Variants in SDHAF4 observed in about 807,000 individuals in gnomAD.
SDHAF4 encodes the protein succinate dehydrogenase assembly factor 4, mitochondrial.
In SDHAF4, 14 loss-of-function variants were observed where a neutral mutation model predicts 14.3. That is an observed-to-expected ratio of 0.98 (90% confidence interval 0.65 to 1.53). The LOEUF is 1.53. SDHAF4 is among the 40% of genes most tolerant of loss of function. The pLI, the probability that SDHAF4 is intolerant of heterozygous loss-of-function variation, is 0.00. For synonymous variants in SDHAF4, 63 were observed against 47.3 expected, an observed-to-expected ratio of 1.33 and a Z score of -1.36; for missense variants, 141 against 129.3, an observed-to-expected ratio of 1.09 and a Z score of -0.44.
At chr6:70,568,962 CTTTTTTTTTTTT>C (rs5877254) in intron 1 of SDHAF4, among the ~76,000 whole-genome samples, 1 of 97,988 alleles carries the variant, frequency 1.0e-5, no homozygotes, top group Admixed American at 1.4e-4. Flanking sequence ...TTTCTTTTTT[CTTTTTTTTTTTT>C]TTTTTTTTTG....
At chr6:70,568,237 A>G (rs1005129210) in intron 1 of SDHAF4, among the ~76,000 whole-genome samples, 13 of 152,172 alleles carry the variant, frequency 8.5e-5, no homozygotes, top group African/African-American at 2.9e-4. Context: ...TTCATTCAAC[A>G]TCCCCCTTTA....
intron 1 of SDHAF4, among the ~76,000 whole-genome samples, chr6:70,573,143 C>T (rs1347980392): frequency 1.3e-5 from 2 of 151,994 alleles, no homozygotes; most frequent in Non-Finnish European, 2.9e-5. Context: ...TGCAGTCATG[C>T]CCAGCTAATC....
chr6:70,581,216 C>T (rs1802317118), intron 2 of SDHAF4, among the ~76,000 whole-genome samples: 1 of 152,006 alleles, frequency 6.6e-6, no homozygotes, highest in African/African-American at 2.4e-5. Context: ...AGGCGTGAGC[C>T]ACTGTGTCTG....
Position 70,579,458 on chromosome 6 carries a change from CAAG to C in SDHAF4, c.110_112del (p.Gln37_Gly38delinsArg), listed in dbSNP as rs772185357. On this transcript the variant is annotated inframe_deletion, in exon 2 of 3. Transcript: ENST00000370474. ...TTCTCTGAGGAAAACAAGTTCTTCT[CAAG>C]GAGGAAAGTCTGAACTTGTCAAACA... 1 of 1,608,620 alleles carries C rather than the reference CAAG, an allele frequency of 6.2e-7. No individual in the cohort carries two copies. Among genetic ancestry groups the C allele is most frequent in the Non-Finnish European group, 8.5e-7 (1 of 1,177,104 alleles).
chr6:70,585,913 C>T (rs777593726), intron 2 of SDHAF4, among the ~76,000 whole-genome samples: 37 of 152,052 alleles, frequency 2.4e-4, no homozygotes, highest in African/African-American at 7.2e-4. Flanking sequence ...GCAGTTTCCC[C>T]GTGCTATGCA....
chr6:70,589,290 T>G lies in SDHAF4; in HGVS notation c.*566T>G, dbSNP rs1581933728. On this transcript the variant is annotated 3_prime_UTR_variant, in exon 3 of 3. Coordinates refer to ENST00000370474, the MANE Select transcript of SDHAF4 (RefSeq NM_145267.3). Reference sequence around the variant, plus strand: ...AAGCAATTCTCCTGCCTCAGCCTCCTGAGTAGCTGGGATTACAGACACCCA... The same window carrying G: ...AAGCAATTCTCCTGCCTCAGCCTCCGGAGTAGCTGGGATTACAGACACCCA... The G allele has an allele frequency of 6.6e-6, 1 of 151,902 alleles. No individual in the cohort carries two copies. Among genetic ancestry groups the G allele is most frequent in the African/African-American group, 2.4e-5 (1 of 41,348 alleles). The allele number at this position is 151,902 out of a possible 1,614,324, so 9.4% of individuals were successfully genotyped here.
At chr6:70,579,956 A>T (rs1194544989) in intron 2 of SDHAF4, among the ~76,000 whole-genome samples, 1 of 152,158 alleles carries the variant, frequency 6.6e-6, no homozygotes, top group Non-Finnish European at 1.5e-5. Context: ...TGTAATGTAC[A>T]CATATTATAT....
At chr6:70,579,671 G>A (rs1482962157) in intron 2 of SDHAF4, 105 bp downstream of exon 2, 1 of 904,782 alleles carries the variant, frequency 1.1e-6, no homozygotes, top group Non-Finnish European at 1.6e-6. Context: ...CTTAAATTCT[G>A]TAGTAATAAA....
chr6:70,573,012 G>T (rs1442592124), intron 1 of SDHAF4, among the ~76,000 whole-genome samples: 1 of 151,926 alleles, frequency 6.6e-6, no homozygotes, highest in Non-Finnish European at 1.5e-5. Context: ...GTCTTGTCCT[G>T]TCACCAGGAT....
rs202098262 is a variant in SDHAF4, at chr6:70,573,264, C to CTTTTTTTTTTTTTTTTTTTTTTTTTTTTT, written c.65-6133_65-6132insTTTTTTTTTTTTTTTTTTTTTTTTTTTTT. On this transcript the variant is annotated intron_variant, in intron 1 of 2. Coordinates refer to ENST00000370474, the MANE Select transcript of SDHAF4 (RefSeq NM_145267.3). ...AATTGTATTTATTCTGCTATTTGGC[C>CTTTTTTTTTTTTTTTTTTTTTTTTTTTTT]TTTTTTTTTTTTTTTTTGAGACGGA... is the stretch of plus-strand genomic sequence containing the variant. Among the ~76,000 whole-genome samples the CTTTTTTTTTTTTTTTTTTTTTTTTTTTTT allele has an allele frequency of 1.8e-5, 2 of 110,456 alleles. 1 individual carries two copies. The allele number at this position is 110,456 out of a possible 152,430, so 72.5% of individuals were successfully genotyped here.
intron 1 of SDHAF4, among the ~76,000 whole-genome samples, chr6:70,571,841 T>C (rs757500683): frequency 3.9e-5 from 6 of 152,108 alleles, no homozygotes; most frequent in Non-Finnish European, 8.8e-5. Context: ...TTATCAGGTT[T>C]CCTCTTAAGT....
chr6:70,578,214 C>T lies in SDHAF4; in HGVS notation c.65-1200C>T, dbSNP rs182389409. Reference sequence around the variant, plus strand: ...TAGCAGTGTATACGCATTCCCTCTTCTCTACAGCCTCACCAGCATCTGTTG... The same window carrying T: ...TAGCAGTGTATACGCATTCCCTCTTTTCTACAGCCTCACCAGCATCTGTTG... On this transcript the variant is annotated intron_variant, in intron 1 of 2. Coordinates refer to ENST00000370474, the MANE Select transcript of SDHAF4 (RefSeq NM_145267.3). 1.1e-3 allele frequency among the ~76,000 whole-genome samples: 169 copies of T among 152,236 alleles called. 1 individual carries two copies. Among genetic ancestry groups the T allele is most frequent in the Non-Finnish European group, 7.6e-4 (52 of 68,036 alleles).
rs144120246 is a variant in SDHAF4, at chr6:70,568,334, T to C, written c.64+1330T>C. Among the ~76,000 whole-genome samples, 628 of 152,242 alleles carry C rather than the reference T, an allele frequency of 4.1e-3. 9 individuals carry two copies. The highest frequency in any genetic ancestry group is 0.015 in the African/African-American group (607 of 41,548). ...AGCACACATGTAAGCTATGTAGCAG[T>C]CATGTAAGCTATGAAGCACAACCAG... is the stretch of plus-strand genomic sequence containing the variant. On this transcript the variant is annotated intron_variant, in intron 1 of 2. Transcript: ENST00000370474.
At chr6:70,595,373 A>G in the SDHAF4 span, among the ~76,000 whole-genome samples, 2 of 152,204 alleles carry the variant, frequency 1.3e-5, no homozygotes, top group African/African-American at 2.4e-5. Flanking sequence ...GAGAATAAGA[A>G]TTATTATCCC....
At chr6:70,571,810 C>A (rs1690374294) in intron 1 of SDHAF4, among the ~76,000 whole-genome samples, 1 of 152,204 alleles carries the variant, frequency 6.6e-6, no homozygotes, top group Middle Eastern at 3.4e-3. Context: ...TGTTTAACTT[C>A]TATAATGGTT....
chr6:70,568,962 C>CTTTTTTTT (rs5877254), intron 1 of SDHAF4, among the ~76,000 whole-genome samples: 1,635 of 97,780 alleles, frequency 0.017, 10 homozygotes, highest in East Asian at 0.029. Flanking sequence ...TTTCTTTTTT[C>CTTTTTTTT]TTTTTTTTTT....
At chr6:70,592,801 A>G (rs1379186919), downstream of SDHAF4, among the ~76,000 whole-genome samples, 1 of 152,224 alleles carries the variant, frequency 6.6e-6, no homozygotes, top group African/African-American at 2.4e-5. Context: ...GTGGTAGAGA[A>G]TGAAAGAGTT....
At chr6:70,586,127 CT>C (rs1220576054) in intron 2 of SDHAF4, among the ~76,000 whole-genome samples, 2 of 152,184 alleles carry the variant, frequency 1.3e-5, no homozygotes, top group Non-Finnish European at 2.9e-5. Context: ...GAATACCCAC[CT>C]TGAGGGAATG....
At chr6:70,595,423 T>A in the SDHAF4 span, among the ~76,000 whole-genome samples, 3 of 152,244 alleles carry the variant, frequency 2.0e-5, no homozygotes. Context: ...ACTAGTCATT[T>A]GGTCCTTATA....
Sources: gnomAD v4.1 joint callset for allele counts (sites outside exome capture counted in the v4.1 genomes callset) on GRCh38, gnomAD v4.1.1 for gene constraint, MANE v1.5 for transcripts, NCBI Gene and HGNC (gene_info 2026-07-23, HGNC 2026-07-21) for gene names.